The following COG7 variants were observed in gnomAD, a reference collection of about 807,000 sequenced individuals.
COG7 encodes conserved oligomeric Golgi complex subunit 7.
A neutral mutation model predicts 91.5 loss-of-function variants in COG7; 49 were observed. That is an observed-to-expected ratio of 0.54 (90% CI 0.43 to 0.68). The LOEUF is 0.68. COG7 is among the 30% of genes least tolerant of loss of function. The pLI is 0.00. For synonymous variants in COG7, 365 were observed against 388.7 expected (o/e 0.94, Z 0.72); for missense variants, 895 against 961.3 (o/e 0.93, Z 0.91).
intron 6 of COG7, among the ~76,000 whole-genome samples, chr16:23,433,104 T>C (rs756083736): frequency 9.9e-5 from 15 of 152,168 alleles, no homozygotes; most frequent in Non-Finnish European, 2.2e-4. Flanking sequence ...CGTTTTTTCT[T>C]TTGTTGTTTG....
At chr16:23,431,449 G>T (rs1402316592) in intron 6 of COG7, among the ~76,000 whole-genome samples, 1 of 152,234 alleles carries the variant, frequency 6.6e-6, no homozygotes, top group Non-Finnish European at 1.5e-5. Context: ...GCATTCGTAT[G>T]TATGGACATG....
At position 23,398,089 on chromosome 16, in the gene COG7, T is replaced by A. The variant is rs1455729528; in HGVS notation, c.1844A>T (p.Glu615Val). Residue 615 changes from glutamate to valine, a missense_variant, in exon 14 of 17, where the codon GAA becomes GTA. By Grantham distance (121) the Glu-to-Val change is moderately radical. Coordinates refer to ENST00000307149, the MANE Select transcript of COG7 (RefSeq NM_153603.4). ...AGGGGTGAGACTAAAGGCGGGCAGT[T>A]CATCTGTGAGGGTTTCTCCGATGCC... The part of the protein sequence containing the change: ...TAGIGETLTD[E>V]LPAFSLTPLE... 4 of 1,614,160 alleles carry A rather than the reference T, an allele frequency of 2.5e-6. No individual in the cohort carries two copies. Among genetic ancestry groups the A allele is most frequent in the Non-Finnish European group, 3.4e-6 (4 of 1,180,044 alleles).
intron 13 of COG7, among the ~76,000 whole-genome samples, chr16:23,399,386 G>A (rs1264267592): frequency 6.6e-6 from 1 of 152,134 alleles, no homozygotes; most frequent in Non-Finnish European, 1.5e-5. Flanking sequence ...CAGCGAGAAG[G>A]AACACGCCAA....
chr16:23,436,119 G>C (rs1383694964), intron 4 of COG7, among the ~76,000 whole-genome samples: 1 of 152,120 alleles, frequency 6.6e-6, no homozygotes, highest in African/African-American at 2.4e-5. Flanking sequence ...AACCCCAGGA[G>C]GCTGAGCTGG....
chr16:23,444,862 GTC>G (rs1158820983), intron 3 of COG7, among the ~76,000 whole-genome samples, 184 bp downstream of exon 3: 1 of 152,078 alleles, frequency 6.6e-6, no homozygotes, highest in Non-Finnish European at 1.5e-5. Flanking sequence ...AGAGGCTTCA[GTC>G]ACACAGAGGG....
chr16:23,451,720 T>C (rs1047207076), intron 1 of COG7, among the ~76,000 whole-genome samples: 3 of 121,164 alleles, frequency 2.5e-5, no homozygotes, highest in East Asian at 4.6e-4. Flanking sequence ...AATGAGACCC[T>C]GTCTCAAAAA....
At chr16:23,403,917 C>T (rs1014472466) in intron 12 of COG7, 83 bp from the exon 13 acceptor site, 3 of 1,545,106 alleles carry the variant, frequency 1.9e-6, no homozygotes, top group Middle Eastern at 1.8e-4. Context: ...TGAAAACTCA[C>T]AGGAGAACTG....
In COG7 at chr16:23,393,240, A is replaced by T; in HGVS notation, c.1995T>A (p.Pro665=). 6.2e-7 allele frequency: 1 copy of T among 1,613,034 alleles called. No homozygotes were observed. The highest frequency in any genetic ancestry group is 8.5e-7 in the Non-Finnish European group (1 of 1,179,160). The change falls in exon 15 of 17, where the codon CCT becomes CCA. Residue 665 remains proline, a synonymous_variant. Coordinates refer to ENST00000307149, the MANE Select transcript of COG7 (RefSeq NM_153603.4). ...ALHAGKLPFP[P]EQGDELPELD... ...GAAACGGTCCCCGCTTACCCTGCTC[A>T]GGAGGAAATGGCAGCTTTCCAGCGT...
At chr16:23,404,482 G>A (rs895839445) in intron 12 of COG7, among the ~76,000 whole-genome samples, 2 of 152,234 alleles carry the variant, frequency 1.3e-5, no homozygotes, top group Admixed American at 6.5e-5. Flanking sequence ...ATTGCTTTAC[G>A]AAGTGTTTGT....
At position 23,445,283 on chromosome 16, in the gene COG7, C is replaced by A. The variant is rs150776309; in HGVS notation, c.319-119G>T. 2.2e-3 allele frequency: 1,717 copies of A among 786,992 alleles called. 34 individuals carry two copies. In the African/African-American group the frequency reaches 0.026, roughly 12 times the overall value. The allele number at this position is 786,992 out of a possible 1,614,324, so 48.8% of individuals were successfully genotyped here. A position where few individuals can be genotyped will look rare whatever the true frequency, so the allele number is the denominator to read the frequency against. ...CTGTCTTTAGGGAGCTTCTGTCTCC[C>A]AAAACACCAATCATCTGGCTAAATT... On this transcript the variant is annotated intron_variant, in intron 2 of 16. Coordinates refer to ENST00000307149, the MANE Select transcript of COG7 (RefSeq NM_153603.4).
At chr16:23,445,366 C>T (rs986291834) in intron 2 of COG7, among the ~76,000 whole-genome samples, 12 of 151,888 alleles carry the variant, frequency 7.9e-5, no homozygotes, top group Non-Finnish European at 1.6e-4. Context: ...AGCATAGTTT[C>T]GGGGAGCCAG....
chr16:23,403,292 C>A (rs1963407200), intron 13 of COG7, among the ~76,000 whole-genome samples: 1 of 152,198 alleles, frequency 6.6e-6, no homozygotes, highest in African/African-American at 2.4e-5. Flanking sequence ...TGATAAGGTA[C>A]TCCCCTGAGT....
intron 7 of COG7, among the ~76,000 whole-genome samples, chr16:23,420,934 T>TG (rs1567338443): frequency 7.5e-6 from 1 of 132,752 alleles, no homozygotes; most frequent in Admixed American, 7.5e-5. Flanking sequence ...TTTTTTTTTT[T>TG]GTAGAGATGG....
At chr16:23,404,969 T>C (rs1392263594) in intron 12 of COG7, among the ~76,000 whole-genome samples, 1 of 152,098 alleles carries the variant, frequency 6.6e-6, no homozygotes, top group Non-Finnish European at 1.5e-5. Flanking sequence ...CAGCAATGTC[T>C]CCTCTGTCTA....
chr16:23,408,899 T>A (rs575652400), intron 11 of COG7, among the ~76,000 whole-genome samples: 25 of 151,752 alleles, frequency 1.6e-4, no homozygotes, highest in Admixed American at 9.2e-4. Context: ...GGGCTGCATT[T>A]TGCAGCCCAG....
At chr16:23,433,778 T>C (rs1341092468) in intron 5 of COG7, 111 bp from the exon 6 acceptor site, 1 of 1,272,166 alleles carries the variant, frequency 7.9e-7, no homozygotes, top group Admixed American at 1.8e-5. Flanking sequence ...ATGGGCTCAC[T>C]GGGCAGCCCA....
chr16:23,396,860 G>A lies in COG7; in HGVS notation c.1887+1186C>T, dbSNP rs143310243. Among the ~76,000 whole-genome samples the A allele has an allele frequency of 3.8e-3, 572 of 152,208 alleles. 13 individuals carry two copies. Among genetic ancestry groups the A allele is most frequent in the East Asian group, 0.03 (156 of 5,186 alleles). ...AGAGCAGAGAGCCAGCCACCTCACT[G>A]CCTGCCAGAGGGACTGCCATGCACT... On this transcript the variant is annotated intron_variant, in intron 14 of 16. Coordinates refer to ENST00000307149, the MANE Select transcript of COG7 (RefSeq NM_153603.4).
chr16:23,447,837 T>C (rs961412473), intron 1 of COG7, among the ~76,000 whole-genome samples: 4 of 151,628 alleles, frequency 2.6e-5, no homozygotes, highest in African/African-American at 9.7e-5. Flanking sequence ...GAGGCGGAGG[T>C]TGCAGTGAGT....
At chr16:23,412,413 T>A (rs1024285925) in intron 10 of COG7, 6 of 152,258 alleles carry the variant, frequency 3.9e-5, no homozygotes, top group African/African-American at 1.4e-4. Flanking sequence ...ATGTTAAATC[T>A]AGTTTTTAAA....
Sources: allele counts gnomAD v4.1 joint callset (sites outside exome capture counted in the v4.1 genomes callset), GRCh38; gene constraint gnomAD v4.1.1; transcripts MANE v1.5; gene names NCBI Gene and HGNC (gene_info 2026-07-23, HGNC 2026-07-21).